Variants in DNAH17 observed in about 807,000 individuals in gnomAD.
The protein encoded by DNAH17 is dynein axonemal heavy chain 17, also known as axonemal beta dynein heavy chain 17.
DNAH17 carries 376 observed loss-of-function variants against 485.6 expected under a neutral mutation model. The ratio of observed to expected loss-of-function variants is 0.77; its 90% CI spans 0.71 to 0.84. DNAH17 has a LOEUF of 0.84. DNAH17 is among the 40% of genes least tolerant of loss of function. The pLI is 0.00. For synonymous variants in DNAH17, 3,031 were observed against 2,405.9 expected (o/e 1.26, Z -7.60); for missense variants, 6,370 against 5,839.3 (o/e 1.09, Z -2.96).
At position 78,426,667 on chromosome 17, in the gene DNAH17, C is replaced by G. The variant is rs145436583; in HGVS notation, c.12772-67G>C. The stretch of plus-strand genomic sequence containing the variant: ...GCCTGGGAGAGCACCAGCCCCAGTG[C>G]GTGTCATGAGTTGTCAACACAGTGT... On this transcript the variant is annotated intron_variant, in intron 78 of 80. Transcript: ENST00000389840. 9.1e-6 allele frequency: 14 copies of G among 1,531,070 alleles called. No individual in the cohort carries two copies. In the African/African-American group the frequency reaches 1.5e-4, roughly 17 times the overall value. The allele number at this position is 1,531,070 out of a possible 1,614,324, so 94.8% of individuals were successfully genotyped here. A position where few individuals can be genotyped will look rare whatever the true frequency, so the allele number is the denominator to read the frequency against.
intron 71 of DNAH17, among the ~76,000 whole-genome samples, chr17:78,441,906 A>G (rs2087091331): frequency 1.3e-5 from 2 of 152,126 alleles, no homozygotes; most frequent in Admixed American, 6.6e-5. Context: ...CCAACATGAC[A>G]AAACCCTCTC....
At chr17:78,556,187 C>T (rs932882616) in intron 14 of DNAH17, among the ~76,000 whole-genome samples, 1 of 152,172 alleles carries the variant, frequency 6.6e-6, no homozygotes, top group Non-Finnish European at 1.5e-5. Context: ...ATCCATCTAC[C>T]TGCTTTCCTA....
chr17:78,490,456 C>G (rs1298906183), intron 44 of DNAH17, among the ~76,000 whole-genome samples: 1 of 152,232 alleles, frequency 6.6e-6, no homozygotes, highest in Non-Finnish European at 1.5e-5. Context: ...CACACCAGCC[C>G]TTGTTCCCTG....
chr17:78,557,560 A>T (rs1375517392), intron 14 of DNAH17, among the ~76,000 whole-genome samples: 7 of 145,960 alleles, frequency 4.8e-5, no homozygotes, highest in Non-Finnish European at 7.4e-5. Flanking sequence ...AATCGCTTGA[A>T]CTTGGGAGGC....
chr17:78,463,578 A>T (rs1227402219), intron 56 of DNAH17, among the ~76,000 whole-genome samples: 1 of 152,238 alleles, frequency 6.6e-6, no homozygotes, highest in African/African-American at 2.4e-5. Context: ...ATGCACACAC[A>T]TTCACATACC....
chr17:78,524,470 C>T (rs564121240), intron 25 of DNAH17, among the ~76,000 whole-genome samples: 11 of 152,148 alleles, frequency 7.2e-5, no homozygotes, highest in African/African-American at 2.2e-4. Flanking sequence ...GACCCTGGAG[C>T]GATTTCTCAG....
At position 78,475,377 on chromosome 17, in the gene DNAH17, GC is replaced by G. The variant is rs760963136; in HGVS notation, c.8411del (p.Gly2804AlafsTer42). The stretch of plus-strand genomic sequence containing the variant: ...GGCGGGAGAGGCTCTGTTTGCCACT[GC>G]CGCCCACCCCCACCAGCAGGGCATT... Reference protein sequence around the residue: ...RGNALLVGVGGSGKQSLSRLA... With the variant: ...RGNALLVGVGXSGKQSLSRLA... On this transcript the variant is annotated frameshift_variant, in exon 54 of 81. Coordinates refer to ENST00000389840, the MANE Select transcript of DNAH17 (RefSeq NM_173628.4). LOFTEE classifies it high-confidence loss of function. 1 of 1,613,976 alleles carries G rather than the reference GC, an allele frequency of 6.2e-7. No individual in the cohort carries two copies. The highest frequency in any genetic ancestry group is 1.1e-5 in the South Asian group (1 of 91,086).
intron 12 of DNAH17, 36 bp from the exon 13 acceptor site, chr17:78,560,971 T>C: frequency 6.6e-7 from 1 of 1,519,404 alleles, no homozygotes; most frequent in Non-Finnish European, 8.9e-7. Context: ...CCCCACTGGA[T>C]ATCTCCTGTG....
chr17:78,563,612 A>G (rs1162332209), intron 11 of DNAH17, among the ~76,000 whole-genome samples: 1 of 151,814 alleles, frequency 6.6e-6, no homozygotes, highest in Non-Finnish European at 1.5e-5. Context: ...CCTCCTTTTC[A>G]TGTTTATATA....
At position 78,450,808 on chromosome 17, in the gene DNAH17, A is replaced by C; in HGVS notation, c.10773T>G (p.Val3591=). Reference sequence around the variant, plus strand: ...GGAGCGAATCTTCCAGCTCTTTCAGAACAATCTTAAATTCGTTTTGAGACT... The same window carrying C: ...GGAGCGAATCTTCCAGCTCTTTCAGCACAATCTTAAATTCGTTTTGAGACT... ...LTKSQNEFKI[V]LKELEDSLLA... The change falls in exon 67 of 81, where the codon GTT becomes GTG. Residue 3591 remains valine, a synonymous_variant. Coordinates refer to ENST00000389840, the MANE Select transcript of DNAH17 (RefSeq NM_173628.4). 1 of 1,614,014 alleles carries C rather than the reference A, an allele frequency of 6.2e-7. No individual in the cohort carries two copies. Among genetic ancestry groups the C allele is most frequent in the Non-Finnish European group, 8.5e-7 (1 of 1,179,906 alleles).
chr17:78,575,738 A>G (rs1260605029), intron 1 of DNAH17, among the ~76,000 whole-genome samples: 2 of 152,060 alleles, frequency 1.3e-5, no homozygotes, highest in Non-Finnish European at 2.9e-5. Flanking sequence ...AATTGGGGGG[A>G]AGGGATCCCC....
intron 78 of DNAH17, 132 bp downstream of exon 78, chr17:78,426,794 G>T: frequency 1.5e-6 from 2 of 1,299,766 alleles, no homozygotes; most frequent in Non-Finnish European, 2.1e-6. Flanking sequence ...TTCTGGAACT[G>T]CCAGAGCTCT....
intron 34 of DNAH17, 35 bp from the exon 35 acceptor site, chr17:78,501,379 G>T: frequency 6.4e-7 from 1 of 1,563,726 alleles, no homozygotes; most frequent in Non-Finnish European, 8.7e-7. Flanking sequence ...TTGCCAGGTG[G>T]AATACAAGAG....
chr17:78,497,164 G>GGT (rs1005125856), intron 37 of DNAH17: 1 of 152,176 alleles, frequency 6.6e-6, no homozygotes, highest in Non-Finnish European at 1.5e-5. Context: ...AGACAGTCTT[G>GGT]AAGGCCAACT....
At position 78,468,809 on chromosome 17, in the gene DNAH17, C is replaced by G. The variant is rs749819351; in HGVS notation, c.8586G>C (p.Gln2862His). Residue 2862 changes from glutamine to histidine, a missense_variant, in exon 55 of 81, where the codon CAG (glutamine) becomes CAC (histidine). Coordinates refer to ENST00000389840, the MANE Select transcript of DNAH17 (RefSeq NM_173628.4). Reference sequence around the variant, plus strand: ...GCACCAGAAACTGCTCCTCGGCCACCTGGGAGTCTGTCATCAGGAACACCG... The same window carrying G: ...GCACCAGAAACTGCTCCTCGGCCACGTGGGAGTCTGTCATCAGGAACACCG... ...VPSVFLMTDS[Q>H]VAEEQFLVLI... 1.1e-5 allele frequency: 18 copies of G among 1,614,064 alleles called. No individual in the cohort carries two copies. The African/African-American group carries it at 2.3e-4, about 20-fold the overall frequency.
chr17:78,431,360 C>T (rs75061977), intron 75 of DNAH17, among the ~76,000 whole-genome samples: 2,964 of 152,202 alleles, frequency 0.019, 100 homozygotes, highest in African/African-American at 0.068. Context: ...CCCTCTCCCC[C>T]TCCTGGCCCC....
intron 44 of DNAH17, among the ~76,000 whole-genome samples, chr17:78,487,406 C>G (rs1413634397): frequency 2.6e-5 from 4 of 152,214 alleles, no homozygotes. Flanking sequence ...GCCTGGCCCC[C>G]TCGAGTGCCA....
Position 78,426,609 on chromosome 17 carries a change from C to T in DNAH17, c.12772-9G>A. ...GTGATGGTCAGTTCTCCCTAGGAGA[C>T]ACACAGATGGGTGTGGGGAGCCCTG... On this transcript the variant is annotated splice_polypyrimidine_tract_variant and intron_variant, in intron 78 of 80. Transcript: ENST00000389840. The T allele has an allele frequency of 6.3e-7, 1 of 1,595,900 alleles. No individual in the cohort carries two copies. Among genetic ancestry groups the T allele is most frequent in the Non-Finnish European group, 8.6e-7 (1 of 1,169,480 alleles).
rs376476477 is a variant in DNAH17, at chr17:78,484,916, G to T, written c.7601C>A (p.Thr2534Lys). The T allele has an allele frequency of 6.2e-7, 1 of 1,600,726 alleles. No individual in the cohort carries two copies. The highest frequency in any genetic ancestry group is 8.5e-7 in the Non-Finnish European group (1 of 1,173,334). Residue 2534 changes from threonine to lysine, a missense_variant, in exon 48 of 81, where the codon ACG (threonine) becomes AAG (lysine). Coordinates refer to ENST00000389840, the MANE Select transcript of DNAH17 (RefSeq NM_173628.4). ...MNMPEVDKYG[T>K]VAPHTLIRQH... ...CCGGATGAGGGTGTGCGGGGCCACCGTCCCATACTTGTCCACCTCGGGCAT... is the reference window on the plus strand; with the variant it reads ...CCGGATGAGGGTGTGCGGGGCCACCTTCCCATACTTGTCCACCTCGGGCAT...
Sources: allele counts gnomAD v4.1 joint callset (sites outside exome capture counted in the v4.1 genomes callset), GRCh38; gene constraint gnomAD v4.1.1; transcripts MANE v1.5; gene names NCBI Gene and HGNC (gene_info 2026-07-23, HGNC 2026-07-21).